ART3: variants seen among roughly 807,000 people sequenced by gnomAD.
The protein encoded by ART3 is ADP-ribosyltransferase 3 (inactive).
Under a neutral mutation model 48.5 loss-of-function variants are expected in ART3, and 49 were observed. The observed-to-expected ratio is 1.01, with a 90% confidence interval of 0.80 to 1.28. ART3 has a LOEUF of 1.28. ART3 is among the 50% of genes most tolerant of loss of function. The pLI is 0.00. For synonymous variants in ART3, 145 were observed against 157.2 expected (o/e 0.92, Z 0.58); for missense variants, 438 against 454.3 (o/e 0.96, Z 0.33).
rs138349453 is a variant in ART3, at chr4:76,027,326, A to C, written c.-10+16006A>C. Among the ~76,000 whole-genome samples the C allele has an allele frequency of 6.4e-3, 970 of 152,330 alleles. 4 individuals carry two copies. Among genetic ancestry groups the C allele is most frequent in the Middle Eastern group, 0.017 (5 of 294 alleles). ...GTGGTATAGAAAATAAATAATGTGG[A>C]GGTTCATAGGAGACTGTACTCATTA... On this transcript the variant is annotated intron_variant, in intron 1 of 9. Transcript: ENST00000341029.
At chr4:76,020,534 T>A (rs1248955588) in intron 1 of ART3, among the ~76,000 whole-genome samples, 3 of 152,242 alleles carry the variant, frequency 2.0e-5, no homozygotes, top group African/African-American at 7.2e-5. Context: ...ATAGAATTAC[T>A]CCCAGGTTTC....
intron 1 of ART3, among the ~76,000 whole-genome samples, chr4:76,039,134 G>A (rs1314681563): frequency 7.4e-6 from 1 of 135,830 alleles, no homozygotes; most frequent in African/African-American, 2.8e-5. Flanking sequence ...GAGTCTCTCT[G>A]TGCCACCCAG....
intron 1 of ART3, among the ~76,000 whole-genome samples, chr4:76,064,959 G>A (rs1166988129): frequency 6.6e-6 from 1 of 152,018 alleles, no homozygotes; most frequent in Non-Finnish European, 1.5e-5. Flanking sequence ...AGCGTCCTGA[G>A]TAGCTGGGAT....
intron 1 of ART3, among the ~76,000 whole-genome samples, chr4:76,016,496 C>T (rs1560573858): frequency 6.6e-6 from 1 of 152,162 alleles, no homozygotes; most frequent in African/African-American, 2.4e-5. Context: ...GCCACCACCA[C>T]TGACGTTGTG....
intron 1 of ART3, among the ~76,000 whole-genome samples, chr4:76,043,354 C>T (rs950447794): frequency 1.3e-4 from 19 of 151,906 alleles, no homozygotes; most frequent in Admixed American, 2.6e-4. Context: ...GGGTGGCACT[C>T]GTCAGGGAGG....
chr4:76,011,676 G>C (rs989098181), intron 1 of ART3, among the ~76,000 whole-genome samples: 1 of 152,202 alleles, frequency 6.6e-6, no homozygotes, highest in Non-Finnish European at 1.5e-5. Flanking sequence ...ATAGCAAGCG[G>C]AATGGGAGGG....
In ART3 at chr4:76,100,782, T is replaced by C; in HGVS notation, c.878-13T>C. On this transcript the variant is annotated splice_polypyrimidine_tract_variant and intron_variant, in intron 6 of 11. Transcript: ENST00000355810. Reference sequence around the variant, plus strand: ...CCTTCGTTAAAACTGATGAGCTTCTTTTTGTGACTCAGGTGAGAAAAACTG... The same window carrying C: ...CCTTCGTTAAAACTGATGAGCTTCTCTTTGTGACTCAGGTGAGAAAAACTG... The C allele has an allele frequency of 6.2e-7, 1 of 1,610,582 alleles. No homozygotes were observed.
intron 1 of ART3, among the ~76,000 whole-genome samples, chr4:76,023,732 G>A (rs1261324428): frequency 1.3e-5 from 2 of 151,734 alleles, no homozygotes; most frequent in Non-Finnish European, 2.9e-5. Flanking sequence ...AACATGAACT[G>A]TTTCTTGAAA....
At chr4:76,096,039 C>T (rs1459040157) in intron 3 of ART3, among the ~76,000 whole-genome samples, 2 of 152,134 alleles carry the variant, frequency 1.3e-5, no homozygotes, top group African/African-American at 2.4e-5. Flanking sequence ...TCTCCAGCCT[C>T]AGCCTCCCGA....
chr4:76,016,962 C>T (rs190680619), intron 1 of ART3, among the ~76,000 whole-genome samples: 14 of 152,098 alleles, frequency 9.2e-5, no homozygotes, highest in African/African-American at 2.7e-4. Flanking sequence ...CTGGGACTCA[C>T]GTTTCAGGGC....
At chr4:76,048,972 G>C (rs1735775694) in intron 1 of ART3, among the ~76,000 whole-genome samples, 1 of 151,994 alleles carries the variant, frequency 6.6e-6, no homozygotes, top group Admixed American at 6.6e-5. Context: ...AGGGTTGGAA[G>C]AGTGACACCT....
chr4:76,037,248 T>C (rs890746028), intron 1 of ART3, among the ~76,000 whole-genome samples: 2 of 91,600 alleles, frequency 2.2e-5, no homozygotes, highest in Non-Finnish European at 4.1e-5. Context: ...TTTTTGTCTT[T>C]ATCTTTTCCT....
At chr4:76,071,001 GT>G (rs1460131628), upstream of ART3, among the ~76,000 whole-genome samples, 1 of 151,650 alleles carries the variant, frequency 6.6e-6, no homozygotes, top group African/African-American at 2.4e-5. Flanking sequence ...TATATTATTA[GT>G]TTTTTCCTCT....
intron 1 of ART3, among the ~76,000 whole-genome samples, chr4:76,051,145 A>C (rs1242138375): frequency 6.6e-6 from 1 of 152,276 alleles, no homozygotes; most frequent in Non-Finnish European, 1.5e-5. Context: ...AGTGCCGCCA[A>C]AGTGGGAGCC....
At chr4:76,071,124 C>T (rs1353794687), upstream of ART3, among the ~76,000 whole-genome samples, 2 of 151,928 alleles carry the variant, frequency 1.3e-5, no homozygotes, top group East Asian at 1.9e-4. Flanking sequence ...CCAAGGCAGG[C>T]GGATCATTTG....
At chr4:76,069,263 C>T (rs1720057609) in intron 1 of ART3, among the ~76,000 whole-genome samples, 2 of 151,378 alleles carry the variant, frequency 1.3e-5, no homozygotes, top group South Asian at 4.1e-4. Context: ...GCCTAGTACG[C>T]ATTAACAGTC....
intron 2 of ART3, among the ~76,000 whole-genome samples, chr4:76,080,667 C>T (rs7679283): frequency 0.11 from 16,817 of 151,908 alleles, 1,248 homozygotes; most frequent in East Asian, 0.34. Context: ...CCTGCCACTA[C>T]GCTCAGCTAA....
intron 1 of ART3, chr4:76,035,272 A>G (rs761936367): frequency 5.6e-6 from 9 of 1,614,074 alleles, no homozygotes; most frequent in Non-Finnish European, 7.6e-6. Flanking sequence ...CTTTCTCAAT[A>G]TCTGCCACTT....
At chr4:76,038,696 A>ATTAT (rs58279842) in intron 1 of ART3, among the ~76,000 whole-genome samples, 3,852 of 149,470 alleles carry the variant, frequency 0.026, 57 homozygotes, top group South Asian at 0.058. Flanking sequence ...TCCACCCTTG[A>ATTAT]TTATTTATTT....
Sources: allele counts gnomAD v4.1 joint callset (sites outside exome capture counted in the v4.1 genomes callset), GRCh38; gene constraint gnomAD v4.1.1; transcripts MANE v1.5; gene names NCBI Gene and HGNC (gene_info 2026-07-23, HGNC 2026-07-21).